Variants in TENT4A observed in about 807,000 individuals in gnomAD.
TENT4A encodes terminal nucleotidyltransferase 4A, also known as DNA polymerase kappa.
Under a neutral mutation model 72.8 loss-of-function variants are expected in TENT4A, and 7 were observed. The ratio of observed to expected loss-of-function variants is 0.10; its 90% CI spans 0.05 to 0.18. The LOEUF (loss-of-function observed/expected upper bound fraction) is 0.18. TENT4A is among the 10% of genes least tolerant of loss of function. The probability of loss-of-function intolerance (pLI) is 1.00; values close to 1 mark genes in which losing one functional copy is unlikely to be tolerated. For missense variants in TENT4A, 831 were observed against 1,017.7 expected, an observed-to-expected ratio of 0.82 and a Z score of 2.50; for synonymous variants, 456 against 434.3, an observed-to-expected ratio of 1.05 and a Z score of -0.62.
intron 12 of TENT4A, 134 bp downstream of exon 12, chr5:6,753,171 C>T (rs1203005038): frequency 1.2e-6 from 1 of 862,010 alleles, no homozygotes; most frequent in Admixed American, 2.6e-5. Flanking sequence ...GTCATTCAGC[C>T]TGTTTGCTTG....
chr5:6,752,950 G>A lies in TENT4A; in HGVS notation c.2097G>A (p.Ala699=), dbSNP rs766924242. ...PCRQAGVEGT[A]SLKAVHHMSS... ...GACAAGCTGGTGTAGAAGGAACTGC[G>A]TCTTTGAAAGCCGTCCACCACATGT... The change falls in exon 12 of 13, where the codon GCG becomes GCA. Residue 699 remains alanine, a synonymous_variant. Transcript: ENST00000230859. 1.2e-5 allele frequency: 20 copies of A among 1,613,994 alleles called. No individual in the cohort carries two copies. The highest frequency in any genetic ancestry group is 6.7e-5 in the East Asian group (3 of 44,882).
intron 1 of TENT4A, among the ~76,000 whole-genome samples, chr5:6,731,580 C>T (rs1258327659): frequency 1.3e-5 from 2 of 149,012 alleles, no homozygotes; most frequent in African/African-American, 4.9e-5. Context: ...TGCACTGTTG[C>T]CCAGACTAGA....
At chr5:6,750,262 T>C in intron 9 of TENT4A, 69 bp from the exon 10 acceptor site, 2 of 1,369,302 alleles carry the variant, frequency 1.5e-6, no homozygotes. Context: ...AGCCCGTGAC[T>C]GATGCTGCCG....
rs761564655 is a variant in TENT4A at position 6,738,666 on chromosome 5, A to G, written c.841-17A>G. The G allele has an allele frequency of 2.5e-6, 4 of 1,606,276 alleles. No individual in the cohort carries two copies. The highest frequency in any genetic ancestry group is 3.4e-6 in the Non-Finnish European group (4 of 1,173,042). On this transcript the variant is annotated splice_polypyrimidine_tract_variant and intron_variant, in intron 2 of 12. Transcript: ENST00000230859. ...GGTTTGTGGTATACATTTTAAGGCA[A>G]CCACTCTTTCTTTCAGGTACAGATA...
Position 6,719,569 on chromosome 5 carries a change from T to C in TENT4A, c.716+4870T>C, listed in dbSNP as rs566318970. Among the ~76,000 whole-genome samples the C allele has an allele frequency of 3.3e-5, 5 of 152,228 alleles. No homozygotes were observed. In the East Asian group the frequency reaches 7.7e-4, roughly 24 times the overall value. On this transcript the variant is annotated intron_variant, in intron 1 of 12. Coordinates refer to ENST00000230859, the MANE Select transcript of TENT4A (RefSeq NM_006999.6). ...AGTGCTTTGTCTTCTCTGCAGTGAA[T>C]TGGATGGCAAGCCTCGCCCTCTTCG...
In TENT4A at chr5:6,716,862, CCT is replaced by C. The variant is rs367870285; in HGVS notation, c.716+2167_716+2168del. ...CTTTCCTTTTCCCCTTTGCTGGAGA[CCT>C]CTCCTTGCCTGTCTCTGGGTGGTGT... On this transcript the variant is annotated intron_variant, in intron 1 of 12. Transcript: ENST00000230859. Among the ~76,000 whole-genome samples the C allele has an allele frequency of 8.5e-5, 13 of 152,350 alleles. No homozygotes were observed. In the South Asian group the frequency reaches 1.0e-3, roughly 12 times the overall value.
chr5:6,749,693 C>A (rs899099969), intron 9 of TENT4A, 36 bp downstream of exon 9: 2 of 1,348,820 alleles, frequency 1.5e-6, no homozygotes, highest in Admixed American at 3.4e-5. Context: ...ATCCTAACCA[C>A]TGGCTGGCAT....
At position 6,756,643 on chromosome 5, in the gene TENT4A, C is replaced by T. The variant is rs186330577; in HGVS notation, c.*1698C>T. ...AGTAGCACACTGTGTCTGCAGTTCT[C>T]GATGACCGAAAGTTATCAAAAATAT... On this transcript the variant is annotated 3_prime_UTR_variant, in exon 13 of 13. Transcript: ENST00000230859. 6 of 152,580 alleles carry T rather than the reference C, an allele frequency of 3.9e-5. No homozygotes were observed. Among genetic ancestry groups the T allele is most frequent in the African/African-American group, 9.6e-5 (4 of 41,534 alleles). 9.5% of individuals were successfully genotyped at this position (152,580 alleles called of 1,614,324 possible). A position where few individuals can be genotyped will look rare whatever the true frequency, so the allele number is the denominator to read the frequency against.
chr5:6,717,634 A>G (rs1384850003), intron 1 of TENT4A, among the ~76,000 whole-genome samples: 1 of 152,202 alleles, frequency 6.6e-6, no homozygotes, highest in Non-Finnish European at 1.5e-5. Flanking sequence ...TGGTTCTTGA[A>G]TCATTGTTTG....
At position 6,734,316 on chromosome 5, in the gene TENT4A, G is replaced by A. The variant is rs184511732; in HGVS notation, c.717-3194G>A. Among the ~76,000 whole-genome samples the A allele has an allele frequency of 3.2e-4, 48 of 152,344 alleles. 1 individual carries two copies. In the East Asian group the frequency reaches 8.3e-3, roughly 26 times the overall value. ...CCTTGCTGCCTGGCCCCCAACCCTC[G>A]CCCTCTGAGGGCCTCACAAAGAGCC... On this transcript the variant is annotated intron_variant, in intron 1 of 12. Transcript: ENST00000230859.
In TENT4A at chr5:6,755,033, C is replaced by T. The variant is rs372277358; in HGVS notation, c.*88C>T. On this transcript the variant is annotated 3_prime_UTR_variant, in exon 13 of 13. Coordinates refer to ENST00000230859, the MANE Select transcript of TENT4A (RefSeq NM_006999.6). Reference sequence around the variant, plus strand: ...GGCAGGGGAACCGAGACCAGCACCCCGCACGTCAGCCGGGCTCGCGGCACG... The same window carrying T: ...GGCAGGGGAACCGAGACCAGCACCCTGCACGTCAGCCGGGCTCGCGGCACG... 26 of 1,220,332 alleles carry T rather than the reference C, an allele frequency of 2.1e-5. No homozygotes were observed. Among genetic ancestry groups the T allele is most frequent in the East Asian group, 1.1e-4 (4 of 37,776 alleles). The allele number at this position is 1,220,332 out of a possible 1,614,324, so 75.6% of individuals were successfully genotyped here.
chr5:6,754,757 A>G lies in TENT4A; in HGVS notation c.2191A>G (p.Asn731Asp). Residue 731 changes from asparagine to aspartate, a missense_variant, in exon 13 of 13, where the codon AAC becomes GAC. Asn to Asp is a conservative substitution (Grantham distance 23). This residue lies in a region of TENT4A where 332 missense variants were observed against 324.3 expected (regional missense o/e 1.02). Coordinates refer to ENST00000230859, the MANE Select transcript of TENT4A (RefSeq NM_006999.6). ...TGTCTCTCTCTTTCTCCAGCAGCACAACGGCATGAAACTGTCCATGAAGGG... is the reference window on the plus strand; with the variant it reads ...TGTCTCTCTCTTTCTCCAGCAGCACGACGGCATGAAACTGTCCATGAAGGG... The part of the protein sequence containing the change: ...SSPHLYHKQH[N>D]GMKLSMKGSH... The G allele has an allele frequency of 6.4e-7, 1 of 1,572,146 alleles. No individual in the cohort carries two copies. The highest frequency in any genetic ancestry group is 8.7e-7 in the Non-Finnish European group (1 of 1,150,028).
chr5:6,750,899 G>A (rs1385311396), intron 10 of TENT4A, 140 bp from the exon 11 acceptor site: 10 of 857,880 alleles, frequency 1.2e-5, no homozygotes, highest in Middle Eastern at 6.2e-4. Flanking sequence ...GGTTTGGGCT[G>A]CCTGTTCAGA....
intron 1 of TENT4A, among the ~76,000 whole-genome samples, chr5:6,727,453 C>G (rs927431897): frequency 2.6e-5 from 4 of 152,354 alleles, no homozygotes; most frequent in African/African-American, 9.6e-5. Flanking sequence ...TTCGGACTCT[C>G]TGCTCTGTAG....
Position 6,714,371 on chromosome 5 carries a change from T to C in TENT4A, c.388T>C (p.Ser130Pro). ...ESGTESPGCS[S>P]SSSSSASLGR... ...GGGCACCGAGAGCCCCGGCTGCTCG[T>C]CGTCGTCCTCCAGCAGCGCCTCGCT... Residue 130 changes from serine to proline, a missense_variant, in exon 1 of 13, where the codon TCG becomes CCG. By Grantham distance (74) the Ser-to-Pro change is moderately conservative. Transcript: ENST00000230859. 1 of 1,134,004 alleles carries C rather than the reference T, an allele frequency of 8.8e-7. No homozygotes were observed. The highest frequency in any genetic ancestry group is 1.1e-6 in the Non-Finnish European group (1 of 926,994). 70.2% of individuals were successfully genotyped at this position (1,134,004 alleles called of 1,614,324 possible). A position where few individuals can be genotyped will look rare whatever the true frequency, so the allele number is the denominator to read the frequency against.
chr5:6,716,817 C>T (rs1740411008), intron 1 of TENT4A, among the ~76,000 whole-genome samples: 1 of 152,366 alleles, frequency 6.6e-6, no homozygotes, highest in South Asian at 2.1e-4. Flanking sequence ...TGGTTTGATA[C>T]TGCAGTCATG....
chr5:6,752,936 G>A lies in TENT4A; in HGVS notation c.2083G>A (p.Val695Ile), dbSNP rs1289998665. The A allele has an allele frequency of 6.2e-7, 1 of 1,614,084 alleles. No individual in the cohort carries two copies. Among genetic ancestry groups the A allele is most frequent in the Admixed American group, 1.7e-5 (1 of 60,006 alleles). The change falls in exon 12 of 13, where the codon GTA becomes ATA. Residue 695 changes from valine (V) to isoleucine (I), a missense_variant. By Grantham distance (29) the Val-to-Ile change is conservative. Transcript: ENST00000230859. Reference protein sequence around the residue: ...VAPVPCRQAGVEGTASLKAVH... With the variant: ...VAPVPCRQAGIEGTASLKAVH... The stretch of plus-strand genomic sequence containing the variant: ...TCCTGTTCCTTGCAGACAAGCTGGT[G>A]TAGAAGGAACTGCGTCTTTGAAAGC...
intron 11 of TENT4A, among the ~76,000 whole-genome samples, chr5:6,752,301 C>T (rs28381425): frequency 6.6e-6 from 1 of 152,238 alleles, no homozygotes; most frequent in Admixed American, 6.5e-5. Flanking sequence ...TAAGAAGACT[C>T]TTGGCCACAG....
At chr5:6,734,832 C>T (rs1425062516) in intron 1 of TENT4A, among the ~76,000 whole-genome samples, 2 of 152,214 alleles carry the variant, frequency 1.3e-5, no homozygotes, top group African/African-American at 2.4e-5. Flanking sequence ...TACCAGGCCA[C>T]CCCCTCTTCT....
Sources: allele counts gnomAD v4.1 joint callset (sites outside exome capture counted in the v4.1 genomes callset), GRCh38; gene constraint gnomAD v4.1.1; regional missense constraint gnomAD v4.1.1; transcripts MANE v1.5; gene names NCBI Gene and HGNC (gene_info 2026-07-23, HGNC 2026-07-21).